CTNNAL1: variants seen among roughly 807,000 people sequenced by gnomAD.
CTNNAL1 encodes the protein catenin alpha like 1.
CTNNAL1 carries 69 observed loss-of-function variants against 93.6 expected under a neutral mutation model. That is an observed-to-expected ratio of 0.74 (90% CI 0.61 to 0.90). The LOEUF (loss-of-function observed/expected upper bound fraction) is 0.90, where lower values mean the gene tolerates loss of function less well. CTNNAL1 is among the 40% of genes least tolerant of loss of function. The pLI is 0.00. For synonymous variants in CTNNAL1, 286 were observed against 305.4 expected (o/e 0.94, Z 0.66); for missense variants, 836 against 862.0 (o/e 0.97, Z 0.38).
Position 109,013,383 on chromosome 9 carries a change from G to C in CTNNAL1, c.60C>G (p.Gly20=). The change falls in exon 1 of 19, where the codon GGC becomes GGG. Residue 20 remains glycine, a synonymous_variant. Transcript: ENST00000325551. ...CCGAGTCGAGGGCGAAGCCCGAAGA[G>C]CCGGAGCCGTAGACTGCTCCGGCGC... ...VGGAGAVYGS[G]SSGFALDSGL... 1 of 1,513,000 alleles carries C rather than the reference G, an allele frequency of 6.6e-7. No individual in the cohort carries two copies. The highest frequency in any genetic ancestry group is 8.8e-7 in the Non-Finnish European group (1 of 1,130,752). The allele number at this position is 1,513,000 out of a possible 1,614,324, so 93.7% of individuals were successfully genotyped here.
chr9:109,004,843 T>C (rs954690560), intron 1 of CTNNAL1, among the ~76,000 whole-genome samples: 1 of 152,056 alleles, frequency 6.6e-6, no homozygotes, highest in African/African-American at 2.4e-5. Context: ...AATGAAAGCA[T>C]TATGTTTAAC....
intron 8 of CTNNAL1, among the ~76,000 whole-genome samples, chr9:108,975,858 G>GTTGTAGT (rs1831252614): frequency 6.6e-6 from 1 of 152,180 alleles, no homozygotes; most frequent in African/African-American, 2.4e-5. Context: ...AAACGGTCCA[G>GTTGTAGT]TTGTAGTTTG....
At chr9:108,980,577 C>T (rs1831398657) in intron 6 of CTNNAL1, among the ~76,000 whole-genome samples, 1 of 152,150 alleles carries the variant, frequency 6.6e-6, no homozygotes, top group Non-Finnish European at 1.5e-5. Flanking sequence ...GTCCTTGCTT[C>T]CCCTCCTGCT....
intron 8 of CTNNAL1, 31 bp from the exon 9 acceptor site, chr9:108,972,864 G>GGGGCCT: frequency 7.0e-6 from 1 of 142,590 alleles, no homozygotes. Context: ...GGGGGGGTGG[G>GGGGCCT]AGGGTGGAGA....
At chr9:108,991,305 A>G (rs559017074) in intron 3 of CTNNAL1, among the ~76,000 whole-genome samples, 3 of 152,260 alleles carry the variant, frequency 2.0e-5, no homozygotes, top group Admixed American at 1.3e-4. Flanking sequence ...CATCATCTTC[A>G]GAGTATAGAG....
At chr9:108,943,221 A>C (rs2289480) in intron 17 of CTNNAL1, among the ~76,000 whole-genome samples, 177 bp from the exon 18 acceptor site, 54,581 of 152,070 alleles carry the variant, frequency 0.36, 10,071 homozygotes, top group Admixed American at 0.45. Flanking sequence ...GTGCAGGGGT[A>C]GCTGCCTAGA....
At chr9:108,947,710 C>T (rs930989172) in intron 15 of CTNNAL1, among the ~76,000 whole-genome samples, 2 of 152,164 alleles carry the variant, frequency 1.3e-5, no homozygotes, top group Non-Finnish European at 2.9e-5. Flanking sequence ...TGCCCTAAAT[C>T]ATCATGAATA....
chr9:108,942,883 A>T, intron 18 of CTNNAL1, 49 bp from the exon 19 acceptor site: 2 of 1,610,892 alleles, frequency 1.2e-6, no homozygotes, highest in Non-Finnish European at 8.5e-7. Flanking sequence ...TGAAAAAAAA[A>T]TTACAAAATT....
intron 4 of CTNNAL1, 126 bp from the exon 5 acceptor site, chr9:108,984,562 AAC>A: frequency 5.3e-6 from 3 of 562,862 alleles, no homozygotes; most frequent in South Asian, 2.6e-5. Flanking sequence ...AAAAAAAAAA[AAC>A]CAGGATAAAG....
At position 108,984,515 on chromosome 9, in the gene CTNNAL1, C is replaced by T. The variant is rs1157614903; in HGVS notation, c.640-79G>A. On this transcript the variant is annotated intron_variant, in intron 4 of 18. Coordinates refer to ENST00000325551, the MANE Select transcript of CTNNAL1 (RefSeq NM_003798.4). ...TTCTTAAAAAAGTATTTATTCAACA[C>T]TAATACTCAAGAATTCACTAACATT... is the stretch of plus-strand genomic sequence containing the variant. 1.5e-5 allele frequency: 10 copies of T among 656,378 alleles called. No individual in the cohort carries two copies. The South Asian group carries it at 1.9e-4, about 12-fold the overall frequency. The allele number at this position is 656,378 out of a possible 1,614,324, so 40.7% of individuals were successfully genotyped here.
At chr9:108,972,864 G>GCGCCCCC in intron 8 of CTNNAL1, 31 bp from the exon 9 acceptor site, 2 of 142,584 alleles carry the variant, frequency 1.4e-5, no homozygotes, top group Non-Finnish European at 2.0e-5. Flanking sequence ...GGGGGGGTGG[G>GCGCCCCC]AGGGTGGAGA....
intron 2 of CTNNAL1, among the ~76,000 whole-genome samples, chr9:108,996,918 C>G (rs1832042632): frequency 9.3e-5 from 2 of 21,400 alleles, no homozygotes; most frequent in Admixed American, 1.3e-3. Flanking sequence ...TTATATAACC[C>G]TTTGTTTCCC....
chr9:108,950,707 G>A (rs1830537734), intron 14 of CTNNAL1: 2 of 1,390,616 alleles, frequency 1.4e-6, no homozygotes, highest in Non-Finnish European at 1.9e-6. Flanking sequence ...CAGTCTTTCT[G>A]GTGACTTTGC....
chr9:109,011,415 TCTAA>T (rs1457093562), intron 1 of CTNNAL1, among the ~76,000 whole-genome samples: 1 of 151,938 alleles, frequency 6.6e-6, no homozygotes, highest in Non-Finnish European at 1.5e-5. Flanking sequence ...GGCATTGACC[TCTAA>T]CTCTCAGCAG....
chr9:108,954,657 A>T (rs2132099455), intron 12 of CTNNAL1, among the ~76,000 whole-genome samples: 1 of 152,316 alleles, frequency 6.6e-6, no homozygotes, highest in Admixed American at 6.5e-5. Context: ...TGTTTTTTTT[A>T]AGTCACAGAA....
chr9:108,992,584 G>T, intron 3 of CTNNAL1, 48 bp downstream of exon 3: 1 of 1,542,484 alleles, frequency 6.5e-7, no homozygotes, highest in South Asian at 1.3e-5. Context: ...AAAGCACTTT[G>T]AACAACACAG....
At chr9:108,944,082 A>G in intron 15 of CTNNAL1, 64 bp from the exon 16 acceptor site, 3 of 1,390,194 alleles carry the variant, frequency 2.2e-6, no homozygotes, top group Non-Finnish European at 3.0e-6. Flanking sequence ...TAAGAAATAT[A>G]CTTACTAATA....
intron 10 of CTNNAL1, among the ~76,000 whole-genome samples, chr9:108,965,808 A>G (rs1051530931): frequency 2.6e-5 from 4 of 152,222 alleles, no homozygotes; most frequent in African/African-American, 9.7e-5. Flanking sequence ...CTCTGTTTGA[A>G]CAAAGTTGTT....
intron 1 of CTNNAL1, among the ~76,000 whole-genome samples, chr9:109,012,439 G>A (rs1827233721): frequency 2.0e-5 from 3 of 152,242 alleles, no homozygotes; most frequent in South Asian, 2.1e-4. Flanking sequence ...CATCGCCAAC[G>A]CGCTCCCGAA....
Sources: gnomAD v4.1 joint callset for allele counts (sites outside exome capture counted in the v4.1 genomes callset) on GRCh38, gnomAD v4.1.1 for gene constraint, MANE v1.5 for transcripts, NCBI Gene and HGNC (gene_info 2026-07-23, HGNC 2026-07-21) for gene names.